Variants in THOC2 observed in about 807,000 individuals in gnomAD.
THOC2 encodes the protein THO complex subunit 2, also known as THO complex 2.
In THOC2, 10 loss-of-function variants were observed where a neutral mutation model predicts 128.4. The ratio of observed to expected loss-of-function variants is 0.08; its 90% CI spans 0.05 to 0.13. The LOEUF (loss-of-function observed/expected upper bound fraction) is 0.13, where lower values mean the gene tolerates loss of function less well. THOC2 is among the 10% of genes least tolerant of loss of function. The pLI is 1.00. For synonymous variants in THOC2, 393 were observed against 396.9 expected (o/e 0.99, Z 0.12); for missense variants, 535 against 1,155.7 (o/e 0.46, Z 7.79).
At chrX:123,648,154 G>A (rs769430327) in intron 12 of THOC2, among the ~76,000 whole-genome samples, 1 of 111,674 alleles carries the variant, frequency 9.0e-6, no homozygotes, top group African/African-American at 3.2e-5. Flanking sequence ...AGCCCACAGA[G>A]GGCGAGCCAA....
intron 12 of THOC2, among the ~76,000 whole-genome samples, chrX:123,659,329 T>C (rs1364750065): frequency 8.9e-6 from 1 of 112,513 alleles, no homozygotes; most frequent in Non-Finnish European, 1.9e-5. Context: ...TCCCAGCACT[T>C]TGGGAGGCCG....
chrX:123,652,425 T>C (rs1310271426), intron 12 of THOC2, among the ~76,000 whole-genome samples: 1 of 111,828 alleles, frequency 8.9e-6, no homozygotes, highest in Non-Finnish European at 1.9e-5. Flanking sequence ...TTGGAAGTTC[T>C]GGTCAGGGCA....
intron 30 of THOC2, among the ~76,000 whole-genome samples, chrX:123,621,840 C>T (rs565384907): frequency 4.5e-5 from 5 of 110,582 alleles, no homozygotes; most frequent in Admixed American, 3.8e-4. Context: ...GTCAGGAGTT[C>T]GAGACCAGCC....
intron 1 of THOC2, among the ~76,000 whole-genome samples, chrX:123,732,183 T>C (rs1267740771): frequency 1.8e-5 from 2 of 111,700 alleles, no homozygotes; most frequent in African/African-American, 6.5e-5. Context: ...CTGGAGAAGC[T>C]TGGAGAGCTG....
chrX:123,619,573 T>C (rs1202526058), intron 32 of THOC2, 137 bp from the exon 33 acceptor site: 4 of 596,398 alleles, frequency 6.7e-6, no homozygotes, highest in Non-Finnish European at 1.1e-5. Flanking sequence ...TCATTATCAA[T>C]ATGAATATCA....
chrX:123,678,745 C>T (rs2049622493), intron 8 of THOC2, among the ~76,000 whole-genome samples: 1 of 110,010 alleles, frequency 9.1e-6, no homozygotes, highest in Admixed American at 9.8e-5. Flanking sequence ...CATTGTTGAC[C>T]GAAACATCAT....
At chrX:123,710,060 T>G (rs924601540) in intron 2 of THOC2, among the ~76,000 whole-genome samples, 14 of 111,838 alleles carry the variant, frequency 1.3e-4, no homozygotes, top group Non-Finnish European at 2.3e-4. Flanking sequence ...CTCAAACCCC[T>G]AAGACAGAAA....
At chrX:123,650,111 A>G (rs1212755108) in intron 12 of THOC2, among the ~76,000 whole-genome samples, 1 of 112,285 alleles carries the variant, frequency 8.9e-6, no homozygotes, top group Non-Finnish European at 1.9e-5. Flanking sequence ...CGGATCTCTC[A>G]GCAGAAACCT....
chrX:123,698,457 C>CAAAA (rs763092017), intron 4 of THOC2, among the ~76,000 whole-genome samples: 44 of 36,060 alleles, frequency 1.2e-3, no homozygotes, highest in African/African-American at 4.2e-3. Context: ...GACTCTGTCT[C>CAAAA]AAAAAAAAAA....
At chrX:123,606,851 C>A (rs917443823) in intron 38 of THOC2, among the ~76,000 whole-genome samples, 1 of 110,901 alleles carries the variant, frequency 9.0e-6, no homozygotes, top group African/African-American at 3.3e-5. Flanking sequence ...AAATCAAAGT[C>A]CTACATCCAA....
At chrX:123,705,175 C>T (rs2050876134) in intron 3 of THOC2, among the ~76,000 whole-genome samples, 1 of 111,870 alleles carries the variant, frequency 8.9e-6, no homozygotes, top group Non-Finnish European at 1.9e-5. Flanking sequence ...ATGACAAAGA[C>T]AATCAAGCTG....
At chrX:123,661,336 C>T (rs1216999196) in intron 12 of THOC2, among the ~76,000 whole-genome samples, 3 of 110,594 alleles carry the variant, frequency 2.7e-5, no homozygotes, top group Non-Finnish European at 3.8e-5. Flanking sequence ...ACCCAGGAGG[C>T]GGAGGTTGCA....
At position 123,668,245 on chromosome X, in the gene THOC2, T is replaced by C; in HGVS notation, c.931A>G (p.Arg311Gly). ...GACAACACAACCATCGTAAGCTTTC[T>C]AACAATTTGCTTAGCTTCCGCAATT... The part of the protein sequence containing the change: ...REIAEAKQIV[R>G]KLTMVVLSSE... Residue 311 changes from arginine (R) to glycine (G), a missense_variant, in exon 10 of 39, where the codon AGA becomes GGA. Around this residue, in one of 9 missense-constraint regions of THOC2, gnomAD observed 197 missense variants for 313.4 expected, o/e 0.63. Coordinates refer to ENST00000245838, the MANE Select transcript of THOC2 (RefSeq NM_001081550.2). 1 of 1,203,215 alleles carries C rather than the reference T, an allele frequency of 8.3e-7. No homozygotes were observed. Among genetic ancestry groups the C allele is most frequent in the South Asian group, 1.8e-5 (1 of 55,354 alleles).
chrX:123,659,565 G>A lies in THOC2; in HGVS notation c.1386+6077C>T, dbSNP rs184906813. ...CAGCCTGGCAACAGAGCGAGACTACGTCTCAAAAAAAAACAAAAACAAAAA... is the reference window on the plus strand; with the variant it reads ...CAGCCTGGCAACAGAGCGAGACTACATCTCAAAAAAAAACAAAAACAAAAA... On this transcript the variant is annotated intron_variant, in intron 12 of 38. Transcript: ENST00000245838. Among the ~76,000 whole-genome samples, 663 of 111,468 alleles carry A rather than the reference G, an allele frequency of 5.9e-3. 4 individuals carry two copies. Among genetic ancestry groups the A allele is most frequent in the African/African-American group, 0.015 (474 of 30,749 alleles).
intron 33 of THOC2, among the ~76,000 whole-genome samples, chrX:123,616,075 TG>T (rs2046882606): frequency 1.8e-5 from 2 of 111,438 alleles, no homozygotes; most frequent in Non-Finnish European, 3.8e-5. Flanking sequence ...ATTACTAGAA[TG>T]GTTGTTCATT....
At chrX:123,690,292 A>G (rs898762854) in intron 7 of THOC2, among the ~76,000 whole-genome samples, 1 of 111,811 alleles carries the variant, frequency 8.9e-6, no homozygotes, top group Non-Finnish European at 1.9e-5. Context: ...AGGAATGTGC[A>G]TTATCTTGTT....
intron 8 of THOC2, among the ~76,000 whole-genome samples, chrX:123,681,604 T>A (rs2049785167): frequency 8.9e-6 from 1 of 111,987 alleles, no homozygotes; most frequent in Non-Finnish European, 1.9e-5. Context: ...CTTCTAGGAA[T>A]GGTCTCATCA....
chrX:123,711,698 G>A (rs1310487506), intron 2 of THOC2, among the ~76,000 whole-genome samples: 1 of 110,385 alleles, frequency 9.1e-6, no homozygotes, highest in African/African-American at 3.3e-5. Flanking sequence ...CAGGAGAATC[G>A]TTTGAACCCG....
chrX:123,730,489 T>C (rs1036363499), intron 1 of THOC2, among the ~76,000 whole-genome samples: 4 of 112,356 alleles, frequency 3.6e-5, no homozygotes, highest in African/African-American at 1.3e-4. Flanking sequence ...CTAATAACAG[T>C]TTTTAAGCAG....
Sources: allele counts gnomAD v4.1 joint callset (sites outside exome capture counted in the v4.1 genomes callset), GRCh38; gene constraint gnomAD v4.1.1; regional missense constraint gnomAD v4.1.1; transcripts MANE v1.5; gene names NCBI Gene and HGNC (gene_info 2026-07-23, HGNC 2026-07-21).